IBTK: variants seen among roughly 807,000 people sequenced by gnomAD.
IBTK encodes the protein inhibitor of Bruton tyrosine kinase.
Under a neutral mutation model 154.9 loss-of-function variants are expected in IBTK, and 83 were observed. The observed-to-expected ratio is 0.54, with a 90% CI of 0.45 to 0.64. The LOEUF (loss-of-function observed/expected upper bound fraction) is 0.64, where lower values mean the gene tolerates loss of function less well. IBTK is among the 30% of genes least tolerant of loss of function. The pLI, the probability that IBTK is intolerant of heterozygous loss-of-function variation, is 0.00. For synonymous variants in IBTK, 515 were observed against 536.1 expected (o/e 0.96, Z 0.54); for missense variants, 1,332 against 1,584.6 (o/e 0.84, Z 2.71).
intron 13 of IBTK, among the ~76,000 whole-genome samples, chr6:82,212,139 C>CA (rs933998164): frequency 5.9e-5 from 9 of 151,728 alleles, no homozygotes; most frequent in African/African-American, 1.9e-4. Context: ...GGATCACAGG[C>CA]ACCCGCCACT....
At chr6:82,177,724 A>C (rs1236456421) in intron 26 of IBTK, among the ~76,000 whole-genome samples, 1 of 151,824 alleles carries the variant, frequency 6.6e-6, no homozygotes, top group East Asian at 1.9e-4. Context: ...TAATTTTTGT[A>C]TTTTTAGTAG....
chr6:82,247,742 G>C lies in IBTK; in HGVS notation c.-538C>G. The C allele has an allele frequency of 2.5e-6, 1 of 397,844 alleles. No homozygotes were observed. The highest frequency in any genetic ancestry group is 4.4e-6 in the Non-Finnish European group (1 of 225,868). The allele number at this position is 397,844 out of a possible 1,614,324, so 24.6% of individuals were successfully genotyped here. On this transcript the variant is annotated 5_prime_UTR_variant, in exon 1 of 29. The change creates a new upstream start codon in the 5' untranslated region. Transcript: ENST00000306270. ...CGCTACTACAGGAATCGGGAACGGG[G>C]ATGTAGAGGAAGGGCCCGAGCGGGC...
intron 28 of IBTK, 126 bp downstream of exon 28, chr6:82,172,254 T>C (rs1767948008): frequency 1.2e-6 from 1 of 862,858 alleles, no homozygotes; most frequent in African/African-American, 1.7e-5. Context: ...TAATTTTACC[T>C]GGCATTTACA....
chr6:82,235,935 G>A (rs890530556), intron 2 of IBTK, among the ~76,000 whole-genome samples: 3 of 151,990 alleles, frequency 2.0e-5, no homozygotes, highest in Non-Finnish European at 2.9e-5. Context: ...GTGCAATGGC[G>A]TGACCTCGGC....
At chr6:82,190,973 C>T (rs1389428562) in intron 25 of IBTK, 100 bp downstream of exon 25, 1 of 850,318 alleles carries the variant, frequency 1.2e-6, no homozygotes, top group Non-Finnish European at 1.7e-6. Context: ...CTTGAAAAGA[C>T]TTTAGAAACA....
At chr6:82,201,614 T>C (rs1769214485) in intron 18 of IBTK, 132 bp from the exon 19 acceptor site, 1 of 518,322 alleles carries the variant, frequency 1.9e-6, no homozygotes, top group Non-Finnish European at 3.4e-6. Flanking sequence ...TATATAGCAG[T>C]TGCTACAAAT....
Position 82,192,901 on chromosome 6 carries a change from C to T in IBTK, c.3339-1022G>A, listed in dbSNP as rs113765615. 5.4e-3 allele frequency among the ~76,000 whole-genome samples: 826 copies of T among 151,946 alleles called. 9 individuals are homozygous for T. Among genetic ancestry groups the T allele is most frequent in the African/African-American group, 0.019 (791 of 41,454 alleles). On this transcript the variant is annotated intron_variant, in intron 23 of 28. Coordinates refer to ENST00000306270, the MANE Select transcript of IBTK (RefSeq NM_015525.4). ...GATCACAAGATCAGGAATTCAAGAC[C>T]AGTCTGGCCAACATGGTGAACCCTC...
In IBTK at chr6:82,191,205, G is replaced by A; in HGVS notation, c.3443C>T (p.Ser1148Phe). 1 of 1,606,214 alleles carries A rather than the reference G, an allele frequency of 6.2e-7. No individual in the cohort carries two copies. Among genetic ancestry groups the A allele is most frequent in the South Asian group, 1.1e-5 (1 of 88,908 alleles). Residue 1148 changes from serine (S) to phenylalanine (F), a missense_variant, in exon 25 of 29, where the codon TCT becomes TTT. Physicochemically the swap from Ser to Phe is radical, Grantham distance 155. Transcript: ENST00000306270. ...CTTCTGAGAAAGTTTAACTCCATGA[G>A]AAACTGTTTTGCTAGAAATTAAACC... ...TPKSHLGKTV[S>F]HGVKLSQKQR... is the part of the protein sequence containing the mutation.
rs768500393 is a variant in IBTK at position 82,225,641 on chromosome 6, G to A, written c.661C>T (p.Arg221Trp). 6.2e-7 allele frequency: 1 copy of A among 1,604,344 alleles called. No homozygotes were observed. Among genetic ancestry groups the A allele is most frequent in the Non-Finnish European group, 8.5e-7 (1 of 1,177,154 alleles). Residue 221 changes from arginine (R) to tryptophan (W), a missense_variant, in exon 6 of 29, where the codon CGG becomes TGG. This residue lies in a region of IBTK where 114 missense variants were observed against 213.7 expected (regional missense o/e 0.53). Coordinates refer to ENST00000306270, the MANE Select transcript of IBTK (RefSeq NM_015525.4). ...TGACCATTCAGTCCTTCCACAAGCC[G>A]AGGGACCTACAAAATAAAATTAACT... ...HGDEQTCLVP[R>W]LVEGLNGHNC...
At chr6:82,229,578 G>A (rs1419862085) in intron 4 of IBTK, among the ~76,000 whole-genome samples, 2 of 151,964 alleles carry the variant, frequency 1.3e-5, no homozygotes, top group African/African-American at 4.8e-5. Context: ...ACCCACTCAA[G>A]CTCAGCATGA....
intron 6 of IBTK, among the ~76,000 whole-genome samples, chr6:82,224,536 G>C (rs1004643714): frequency 1.3e-5 from 2 of 152,212 alleles, no homozygotes; most frequent in Admixed American, 6.5e-5. Context: ...TTCTAAATTA[G>C]ATATTTCCAT....
chr6:82,174,498 C>A (rs1333633800), intron 26 of IBTK, among the ~76,000 whole-genome samples: 1 of 151,882 alleles, frequency 6.6e-6, no homozygotes, highest in Non-Finnish European at 1.5e-5. Flanking sequence ...AATACATGGA[C>A]CTAAAAAAGA....
chr6:82,207,771 CTT>C (rs1165203341), intron 16 of IBTK, among the ~76,000 whole-genome samples: 10 of 152,280 alleles, frequency 6.6e-5, no homozygotes, highest in African/African-American at 2.4e-4. Flanking sequence ...AGAAATAAAA[CTT>C]TAAATTTATT....
chr6:82,177,994 C>A (rs1225396032), intron 26 of IBTK, among the ~76,000 whole-genome samples: 2 of 152,172 alleles, frequency 1.3e-5, no homozygotes, highest in African/African-American at 4.8e-5. Flanking sequence ...TACCAGGTAG[C>A]CCATAATTTG....
chr6:82,181,584 T>C (rs1351487329), intron 26 of IBTK, among the ~76,000 whole-genome samples: 1 of 152,208 alleles, frequency 6.6e-6, no homozygotes, highest in East Asian at 1.9e-4. Flanking sequence ...CTGAAAATGA[T>C]GCTTATGTTC....
chr6:82,180,326 G>C (rs1768274683), intron 26 of IBTK, among the ~76,000 whole-genome samples: 1 of 151,828 alleles, frequency 6.6e-6, no homozygotes, highest in Non-Finnish European at 1.5e-5. Context: ...GCTAACTGCA[G>C]CCTTTACCTC....
chr6:82,233,703 T>A (rs1770604083), intron 3 of IBTK, among the ~76,000 whole-genome samples: 1 of 150,062 alleles, frequency 6.7e-6, no homozygotes, highest in African/African-American at 2.5e-5. Flanking sequence ...ATGGAATACA[T>A]TTGTAAAGTT....
intron 1 of IBTK, among the ~76,000 whole-genome samples, chr6:82,244,759 AT>A (rs1373614753): frequency 2.6e-5 from 4 of 152,206 alleles, no homozygotes; most frequent in Non-Finnish European, 5.9e-5. Flanking sequence ...GGAAATAAGC[AT>A]TTAAAGACCT....
intron 21 of IBTK, among the ~76,000 whole-genome samples, chr6:82,197,106 A>T (rs1363850392): frequency 6.6e-6 from 1 of 152,198 alleles, no homozygotes; most frequent in Non-Finnish European, 1.5e-5. Context: ...TCCAGGTTCA[A>T]ACTTTTGCTT....
Sources: gnomAD v4.1 joint callset for allele counts (sites outside exome capture counted in the v4.1 genomes callset) on GRCh38, gnomAD v4.1.1 for gene constraint, gnomAD v4.1.1 regional missense constraint, MANE v1.5 for transcripts, NCBI Gene and HGNC (gene_info 2026-07-23, HGNC 2026-07-21) for gene names.